Variants in AK3 observed in about 807,000 individuals in gnomAD.
The protein encoded by AK3 is GTP:AMP phosphotransferase AK3, mitochondrial.
A neutral mutation model predicts 23.7 loss-of-function variants in AK3; 27 were observed. The ratio of observed to expected loss-of-function variants is 1.14; its 90% CI spans 0.84 to 1.57. AK3 has a LOEUF of 1.57. Among genes scored for constraint, AK3 ranks in the 40% most tolerant of loss-of-function variants. AK3 has a pLI of 0.00. For missense variants in AK3, 406 were observed against 285.6 expected, an observed-to-expected ratio of 1.42 and a Z score of -3.04; for synonymous variants, 159 against 116.0, an observed-to-expected ratio of 1.37 and a Z score of -2.38.
chr9:4,735,264 TATATATATAA>T (rs1359944002), intron 1 of AK3, among the ~76,000 whole-genome samples: 1 of 16,742 alleles, frequency 6.0e-5, no homozygotes, highest in East Asian at 1.7e-3. Flanking sequence ...TATATATAAA[TATATATATAA>T]ATATATATAC....
chr9:4,738,490 A>C (rs747480364), intron 1 of AK3, among the ~76,000 whole-genome samples: 6 of 152,182 alleles, frequency 3.9e-5, no homozygotes, highest in Non-Finnish European at 7.3e-5. Context: ...AAGACTGCTT[A>C]ATGATGTGTG....
intron 1 of AK3, among the ~76,000 whole-genome samples, chr9:4,740,246 A>G (rs893865139): frequency 1.3e-5 from 2 of 152,212 alleles, no homozygotes; most frequent in African/African-American, 4.8e-5. Context: ...GAGAATTTAC[A>G]TACCACAAAT....
At chr9:4,735,899 G>C (rs971192814) in intron 1 of AK3, among the ~76,000 whole-genome samples, 1 of 151,986 alleles carries the variant, frequency 6.6e-6, no homozygotes, top group Non-Finnish European at 1.5e-5. Flanking sequence ...TGGATCACTT[G>C]AGGTAGGAAG....
intron 4 of AK3, among the ~76,000 whole-genome samples, chr9:4,715,176 A>T (rs541969349): frequency 6.9e-6 from 1 of 144,284 alleles, no homozygotes; most frequent in Admixed American, 7.2e-5. Context: ...CTGGGATGGC[A>T]CCACTGCACT....
chr9:4,716,679 C>T (rs1841744071), intron 4 of AK3, among the ~76,000 whole-genome samples: 1 of 152,098 alleles, frequency 6.6e-6, no homozygotes, highest in Admixed American at 6.5e-5. Context: ...ACCTGTAATC[C>T]CAATGTTTTG....
chr9:4,732,985 T>C (rs10121108), intron 1 of AK3, among the ~76,000 whole-genome samples: 2,233 of 151,930 alleles, frequency 0.015, 59 homozygotes, highest in African/African-American at 0.051. Flanking sequence ...GTTAGGACTA[T>C]AGACAAGCAG....
intron 1 of AK3, among the ~76,000 whole-genome samples, chr9:4,730,238 G>A (rs568116929): frequency 6.6e-6 from 1 of 152,156 alleles, no homozygotes; most frequent in Non-Finnish European, 1.5e-5. Flanking sequence ...TGATAAAAAT[G>A]TTCTAAAATT....
intron 1 of AK3, among the ~76,000 whole-genome samples, chr9:4,730,376 G>C (rs533276804): frequency 2.0e-5 from 3 of 151,378 alleles, no homozygotes; most frequent in Non-Finnish European, 4.4e-5. Context: ...AAATAGAACA[G>C]ATGAAAAATT....
At position 4,741,170 on chromosome 9, in the gene AK3, G is replaced by A. The variant is rs1385306934; in HGVS notation, c.-83C>T. The A allele has an allele frequency of 1.9e-5, 25 of 1,306,830 alleles. No homozygotes were observed. Among genetic ancestry groups the A allele is most frequent in the Non-Finnish European group, 2.4e-5 (24 of 1,020,988 alleles). 81.0% of individuals were successfully genotyped at this position (1,306,830 alleles called of 1,614,324 possible). On this transcript the variant is annotated 5_prime_UTR_variant, in exon 1 of 5. Coordinates refer to ENST00000381809, the MANE Select transcript of AK3 (RefSeq NM_016282.4). ...CTCACCCGCTCGGCAGCCTGCGCCGGCCGGCTAGCAGCGCCACTAGCAGGC... is the reference window on the plus strand; with the variant it reads ...CTCACCCGCTCGGCAGCCTGCGCCGACCGGCTAGCAGCGCCACTAGCAGGC...
intron 4 of AK3, among the ~76,000 whole-genome samples, chr9:4,717,302 T>C (rs1711876122): frequency 6.6e-6 from 1 of 152,226 alleles, no homozygotes; most frequent in African/African-American, 2.4e-5. Flanking sequence ...GCAGGAAGGC[T>C]CAGTAAGAAA....
intron 1 of AK3, among the ~76,000 whole-genome samples, chr9:4,728,866 T>TACACACACACAC (rs57364192): frequency 9.8e-4 from 86 of 87,894 alleles, no homozygotes; most frequent in African/African-American, 3.0e-3. Context: ...TATATATATA[T>TACACACACACAC]ACACACACAC....
chr9:4,732,876 T>G (rs1448943856), intron 1 of AK3, among the ~76,000 whole-genome samples: 1 of 151,870 alleles, frequency 6.6e-6, no homozygotes, highest in Non-Finnish European at 1.5e-5. Flanking sequence ...CTCTCTTTTT[T>G]TTTTTTTTTC....
At chr9:4,717,531 A>G (rs981487722) in intron 4 of AK3, among the ~76,000 whole-genome samples, 3 of 152,178 alleles carry the variant, frequency 2.0e-5, no homozygotes, top group Admixed American at 6.5e-5. Flanking sequence ...TTGCCTCCCC[A>G]GCATTCATTC....
chr9:4,715,216 CAAAAAAA>C (rs1237615381), intron 4 of AK3, among the ~76,000 whole-genome samples: 40 of 56,984 alleles, frequency 7.0e-4, no homozygotes, highest in Non-Finnish European at 1.3e-3. Flanking sequence ...GACTCCGTCT[CAAAAAAA>C]AAAAAAAAAA....
intron 1 of AK3, among the ~76,000 whole-genome samples, chr9:4,737,282 A>G (rs1030625003): frequency 1.4e-5 from 2 of 144,986 alleles, no homozygotes; most frequent in Non-Finnish European, 3.1e-5. Context: ...TCTATCTAAA[A>G]TGTCTATCTC....
At chr9:4,728,061 A>G (rs1842058797) in intron 1 of AK3, among the ~76,000 whole-genome samples, 1 of 152,224 alleles carries the variant, frequency 6.6e-6, no homozygotes, top group African/African-American at 2.4e-5. Flanking sequence ...AACATCAAAG[A>G]TCACTGATCA....
upstream of AK3, chr9:4,741,325 C>A: frequency 2.6e-6 from 1 of 388,202 alleles, no homozygotes; most frequent in Non-Finnish European, 4.4e-6. Context: ...CGACCGAGCG[C>A]CTGTTCCCGC....
At position 4,732,757 on chromosome 9, in the gene AK3, A is replaced by G. The variant is rs7861716; in HGVS notation, c.151+8180T>C. ...CTCCCTTAAAAGTTTCATGTTACCCAAATCAACCACACCTCATATCTGAAT... is the reference window on the plus strand; with the variant it reads ...CTCCCTTAAAAGTTTCATGTTACCCGAATCAACCACACCTCATATCTGAAT... On this transcript the variant is annotated intron_variant, in intron 1 of 4. Coordinates refer to ENST00000381809, the MANE Select transcript of AK3 (RefSeq NM_016282.4). Among the ~76,000 whole-genome samples, 778 of 152,108 alleles carry G rather than the reference A, an allele frequency of 5.1e-3. 10 individuals carry two copies. Among genetic ancestry groups the G allele is most frequent in the Non-Finnish European group, 5.4e-3 (365 of 67,984 alleles).
At chr9:4,740,051 C>A (rs1430156568) in intron 1 of AK3, among the ~76,000 whole-genome samples, 1 of 121,276 alleles carries the variant, frequency 8.2e-6, no homozygotes. Flanking sequence ...ATCCTGTTTG[C>A]TATCCTTACA....
Sources: allele counts gnomAD v4.1 joint callset (sites outside exome capture counted in the v4.1 genomes callset), GRCh38; gene constraint gnomAD v4.1.1; transcripts MANE v1.5; gene names NCBI Gene and HGNC (gene_info 2026-07-23, HGNC 2026-07-21).